STPG2: variants seen among roughly 807,000 people sequenced by gnomAD.
STPG2 encodes the protein sperm-tail PG-rich repeat-containing protein 2.
Under a neutral mutation model 54.2 loss-of-function variants are expected in STPG2, and 56 were observed. That is an observed-to-expected ratio of 1.03 (90% CI 0.83 to 1.29). STPG2 has a LOEUF of 1.29. Ranked by LOEUF, STPG2 falls within the 50% of genes most tolerant of loss-of-function variation. The pLI is 0.00. For missense variants in STPG2, 596 were observed against 544.9 expected, an observed-to-expected ratio of 1.09 and a Z score of -0.93; for synonymous variants, 200 against 181.8, an observed-to-expected ratio of 1.10 and a Z score of -0.81.
chr4:98,028,706 C>G (rs969757666), intron 5 of STPG2, among the ~76,000 whole-genome samples: 3 of 152,094 alleles, frequency 2.0e-5, no homozygotes, highest in Non-Finnish European at 4.4e-5. Flanking sequence ...CACCTACTTC[C>G]ACTCAGTTAT....
intron 9 of STPG2, among the ~76,000 whole-genome samples, chr4:97,735,773 T>C (rs745912010): frequency 1.3e-5 from 2 of 152,010 alleles, no homozygotes; most frequent in South Asian, 4.1e-4. Flanking sequence ...TCTGTGTGTG[T>C]ATGTATGTTA....
In STPG2 at chr4:97,712,024, T is replaced by C. The variant is rs116602973; in HGVS notation, c.1320+675A>G. ...AACATGTATTTAATATAAATAAACT[T>C]GTCATTAGCCCCAAAAAGAACATTC... On this transcript the variant is annotated intron_variant, in intron 10 of 10. Coordinates refer to ENST00000295268, the MANE Select transcript of STPG2 (RefSeq NM_174952.3). Among the ~76,000 whole-genome samples, 972 of 152,232 alleles carry C rather than the reference T, an allele frequency of 6.4e-3. 12 individuals carry two copies. The highest frequency in any genetic ancestry group is 0.022 in the African/African-American group (932 of 41,536).
At chr4:97,458,722 G>A (rs975452911) in intron 4 of STPG2, among the ~76,000 whole-genome samples, 8 of 152,232 alleles carry the variant, frequency 5.3e-5, no homozygotes, top group Non-Finnish European at 7.4e-5. Context: ...ATAATGACCT[G>A]TTAACTTTTG....
chr4:98,021,840 C>T (rs1447899782), intron 5 of STPG2, among the ~76,000 whole-genome samples: 1 of 151,680 alleles, frequency 6.6e-6, no homozygotes, highest in African/African-American at 2.4e-5. Context: ...GGATTGCAAC[C>T]CCTGCCTTTT....
chr4:98,029,848 A>G (rs2149298921), intron 5 of STPG2, among the ~76,000 whole-genome samples: 1 of 152,226 alleles, frequency 6.6e-6, no homozygotes, highest in East Asian at 1.9e-4. Context: ...TCCCACTCAA[A>G]ACTGCACACT....
At chr4:98,092,653 C>G (rs1738726606) in intron 5 of STPG2, among the ~76,000 whole-genome samples, 1 of 151,930 alleles carries the variant, frequency 6.6e-6, no homozygotes, top group African/African-American at 2.4e-5. Flanking sequence ...TTATTTGAAA[C>G]TAAAACTTTC....
chr4:97,543,748 T>C (rs1731772478), intron 4 of STPG2, among the ~76,000 whole-genome samples: 1 of 152,106 alleles, frequency 6.6e-6, no homozygotes, highest in South Asian at 2.1e-4. Flanking sequence ...GCACAATAAA[T>C]TGATTATATG....
At chr4:97,878,350 G>A (rs1310154573) in intron 8 of STPG2, among the ~76,000 whole-genome samples, 2 of 152,172 alleles carry the variant, frequency 1.3e-5, no homozygotes, top group Non-Finnish European at 2.9e-5. Context: ...TTTCCCTTCT[G>A]CACTGCCCTA....
chr4:97,650,419 G>C (rs1722032285), intron 10 of STPG2, among the ~76,000 whole-genome samples: 1 of 152,158 alleles, frequency 6.6e-6, no homozygotes, highest in Non-Finnish European at 1.5e-5. Context: ...ATACATTTTA[G>C]GGAGGCATGA....
intron 9 of STPG2, among the ~76,000 whole-genome samples, chr4:97,758,131 T>A (rs1725784858): frequency 6.6e-6 from 1 of 152,188 alleles, no homozygotes; most frequent in Admixed American, 6.5e-5. Flanking sequence ...GTGACAGGTA[T>A]TTCAGGAAAA....
chr4:97,488,867 T>C (rs1169398065), intron 4 of STPG2, among the ~76,000 whole-genome samples: 1 of 151,738 alleles, frequency 6.6e-6, no homozygotes, highest in Non-Finnish European at 1.5e-5. Flanking sequence ...GAAACTGTGA[T>C]AGGTCTGAGA....
At chr4:97,805,414 T>C (rs1727526532) in intron 9 of STPG2, among the ~76,000 whole-genome samples, 1 of 152,100 alleles carries the variant, frequency 6.6e-6, no homozygotes, top group Non-Finnish European at 1.5e-5. Flanking sequence ...TTTCACCATG[T>C]TGGCCAGGCT....
At chr4:97,927,604 T>TA (rs908323416) in intron 8 of STPG2, among the ~76,000 whole-genome samples, 4 of 152,120 alleles carry the variant, frequency 2.6e-5, no homozygotes, top group Admixed American at 1.3e-4. Flanking sequence ...TATAGCTTTT[T>TA]AAAAAATCAC....
At chr4:97,845,542 T>C (rs146997953) in intron 8 of STPG2, among the ~76,000 whole-genome samples, 322 of 152,328 alleles carry the variant, frequency 2.1e-3, no homozygotes, top group Non-Finnish European at 3.7e-3. Context: ...ATTTAAATTA[T>C]CATATTATTC....
intron 8 of STPG2, among the ~76,000 whole-genome samples, chr4:97,876,132 G>A (rs575689860): frequency 6.6e-6 from 1 of 152,106 alleles, no homozygotes; most frequent in South Asian, 2.1e-4. Flanking sequence ...ATGCTAAAAA[G>A]TCTGTCTTCC....
At chr4:97,786,970 T>C (rs1726847005) in intron 9 of STPG2, among the ~76,000 whole-genome samples, 1 of 152,146 alleles carries the variant, frequency 6.6e-6, no homozygotes, top group Admixed American at 6.6e-5. Flanking sequence ...TACATTCCAG[T>C]ACTGCCCATG....
At chr4:97,472,753 T>G (rs1002730520) in intron 4 of STPG2, among the ~76,000 whole-genome samples, 2 of 152,154 alleles carry the variant, frequency 1.3e-5, no homozygotes, top group African/African-American at 4.8e-5. Flanking sequence ...ACGGAAAGGC[T>G]ACATGTGATT....
chr4:97,645,509 T>G (rs1268546638), intron 10 of STPG2, among the ~76,000 whole-genome samples: 13 of 152,174 alleles, frequency 8.5e-5, no homozygotes, highest in Admixed American at 8.5e-4. Context: ...TAGACTTCAC[T>G]AGCTGCCTTT....
At chr4:97,517,795 C>T (rs760918646) in intron 4 of STPG2, among the ~76,000 whole-genome samples, 1 of 152,190 alleles carries the variant, frequency 6.6e-6, no homozygotes, top group Middle Eastern at 3.4e-3. Flanking sequence ...TTAAAAGACT[C>T]AACCCATGAT....
Sources: allele counts gnomAD v4.1 joint callset (sites outside exome capture counted in the v4.1 genomes callset), GRCh38; gene constraint gnomAD v4.1.1; transcripts MANE v1.5; gene names NCBI Gene and HGNC (gene_info 2026-07-23, HGNC 2026-07-21).